Variants in WWOX observed in about 807,000 individuals in gnomAD.
WWOX encodes WW domain containing oxidoreductase.
In WWOX, 69 loss-of-function variants were observed where a neutral mutation model predicts 46.2. The observed-to-expected ratio is 1.49, with a 90% CI of 1.23 to 1.82. The LOEUF (loss-of-function observed/expected upper bound fraction) is 1.82. WWOX is among the 40% of genes most tolerant of loss of function. The pLI is 0.00. For missense variants in WWOX, 919 were observed against 542.6 expected, an observed-to-expected ratio of 1.69 and a Z score of -6.89; for synonymous variants, 359 against 202.6, an observed-to-expected ratio of 1.77 and a Z score of -6.56.
intron 4 of WWOX, among the ~76,000 whole-genome samples, chr16:78,116,456 A>G (rs1413807146): frequency 2.6e-5 from 4 of 152,228 alleles, no homozygotes; most frequent in Non-Finnish European, 4.4e-5. Flanking sequence ...GTACTTGCCT[A>G]TGAAGGTAAA....
intron 8 of WWOX, among the ~76,000 whole-genome samples, chr16:78,861,563 G>A (rs745964829): frequency 6.6e-6 from 1 of 152,114 alleles, no homozygotes; most frequent in Non-Finnish European, 1.5e-5. Flanking sequence ...GACATTTTGA[G>A]TAACTAAAAG....
chr16:78,826,530 A>G (rs2051662386), intron 8 of WWOX, among the ~76,000 whole-genome samples: 1 of 152,230 alleles, frequency 6.6e-6, no homozygotes, highest in South Asian at 2.1e-4. Context: ...CTCTGCAGCC[A>G]CATGGCCTTC....
chr16:78,449,936 C>T (rs2083652413), intron 8 of WWOX, among the ~76,000 whole-genome samples: 1 of 151,548 alleles, frequency 6.6e-6, no homozygotes, highest in Admixed American at 6.6e-5. Context: ...GTAAGGCTAG[C>T]CAATCATTTC....
intron 5 of WWOX, among the ~76,000 whole-genome samples, chr16:78,385,912 G>T (rs1567541259): frequency 6.6e-6 from 1 of 152,164 alleles, no homozygotes; most frequent in Admixed American, 6.5e-5. Flanking sequence ...AGCGCACCCA[G>T]ATTTAAAAGT....
intron 8 of WWOX, among the ~76,000 whole-genome samples, chr16:78,864,854 CCGGGTT>C (rs2043969357): frequency 1.3e-5 from 2 of 149,320 alleles, no homozygotes; most frequent in South Asian, 4.3e-4. Context: ...CATCCACCTC[CCGGGTT>C]CAAGCGATTC....
intron 5 of WWOX, among the ~76,000 whole-genome samples, chr16:78,315,664 G>T (rs1241202000): frequency 1.3e-5 from 2 of 152,022 alleles, no homozygotes; most frequent in African/African-American, 2.4e-5. Flanking sequence ...GAATAAAAAT[G>T]AATAAAAATT....
At chr16:78,609,326 G>T (rs1353281430) in intron 8 of WWOX, among the ~76,000 whole-genome samples, 1 of 152,050 alleles carries the variant, frequency 6.6e-6, no homozygotes, top group Non-Finnish European at 1.5e-5. Context: ...TTTTCAAGGG[G>T]AGGCTTAGCA....
At chr16:78,201,376 G>A (rs1043118897) in intron 5 of WWOX, among the ~76,000 whole-genome samples, 3 of 152,162 alleles carry the variant, frequency 2.0e-5, no homozygotes, top group Admixed American at 6.5e-5. Flanking sequence ...TGACCGGAAG[G>A]TATTAATGAT....
At chr16:78,686,786 A>T (rs1165808588) in intron 8 of WWOX, among the ~76,000 whole-genome samples, 5 of 152,206 alleles carry the variant, frequency 3.3e-5, no homozygotes, top group Non-Finnish European at 7.3e-5. Flanking sequence ...TCTAACAGAG[A>T]CAGAGTTGAC....
At chr16:78,792,740 G>C (rs1289528647) in intron 8 of WWOX, among the ~76,000 whole-genome samples, 1 of 152,122 alleles carries the variant, frequency 6.6e-6, no homozygotes, top group East Asian at 1.9e-4. Context: ...TTAAGATGAG[G>C]GTTAGCCAAA....
At chr16:78,440,481 C>G (rs1418965372) in intron 8 of WWOX, among the ~76,000 whole-genome samples, 1 of 152,182 alleles carries the variant, frequency 6.6e-6, no homozygotes, top group Non-Finnish European at 1.5e-5. Context: ...TCTTTCAGAA[C>G]AGCCAGTGCC....
intron 5 of WWOX, among the ~76,000 whole-genome samples, chr16:78,383,127 A>T (rs1261382565): frequency 6.6e-6 from 1 of 151,314 alleles, no homozygotes; most frequent in African/African-American, 2.4e-5. Flanking sequence ...CCATGATCCA[A>T]TCACCTCCCA....
intron 8 of WWOX, among the ~76,000 whole-genome samples, chr16:78,660,011 A>G (rs919941571): frequency 6.6e-6 from 1 of 152,134 alleles, no homozygotes; most frequent in Non-Finnish European, 1.5e-5. Context: ...ATTGATCCTC[A>G]TTTCCTATTA....
intron 8 of WWOX, among the ~76,000 whole-genome samples, chr16:78,595,795 A>G (rs1361941576): frequency 2.0e-5 from 3 of 152,252 alleles, no homozygotes; most frequent in Non-Finnish European, 4.4e-5. Flanking sequence ...TTGTGATGAG[A>G]AGATTCAAAA....
chr16:79,125,847 T>C (rs1363403900), intron 8 of WWOX, among the ~76,000 whole-genome samples: 2 of 152,196 alleles, frequency 1.3e-5, no homozygotes, highest in Non-Finnish European at 1.5e-5. Context: ...TGCCATAGCT[T>C]TTTACTTCTC....
chr16:78,956,471 GATTA>G (rs771435583), intron 8 of WWOX, among the ~76,000 whole-genome samples: 2 of 152,048 alleles, frequency 1.3e-5, no homozygotes, highest in Non-Finnish European at 2.9e-5. Context: ...TGTTTTAATT[GATTA>G]ATCTACAATG....
At chr16:78,386,069 G>C (rs929983341) in intron 5 of WWOX, among the ~76,000 whole-genome samples, 1 of 152,004 alleles carries the variant, frequency 6.6e-6, no homozygotes, top group Non-Finnish European at 1.5e-5. Context: ...TGCTAGGCGG[G>C]AACTTGGGCT....
chr16:79,211,499 A>AAAC (rs2051746011), intron 8 of WWOX, 109 bp from the exon 9 acceptor site: 3 of 1,421,844 alleles, frequency 2.1e-6, no homozygotes, highest in Non-Finnish European at 2.9e-6. Flanking sequence ...GATCCAGCTG[A>AAAC]AACTGAACCA....
intron 4 of WWOX, among the ~76,000 whole-genome samples, chr16:78,135,156 C>G (rs570438915): frequency 6.6e-6 from 1 of 152,296 alleles, no homozygotes; most frequent in Middle Eastern, 3.4e-3. Context: ...TCAGGCTTCC[C>G]GTCTTGGGAT....
Sources: allele counts gnomAD v4.1 joint callset (sites outside exome capture counted in the v4.1 genomes callset), GRCh38; gene constraint gnomAD v4.1.1; transcripts MANE v1.5; gene names NCBI Gene and HGNC (gene_info 2026-07-23, HGNC 2026-07-21).